TNFRSF11A: variants seen among roughly 807,000 people sequenced by gnomAD.
TNFRSF11A encodes tumor necrosis factor receptor superfamily member 11A.
TNFRSF11A carries 32 observed loss-of-function variants against 55.7 expected under a neutral mutation model. The observed-to-expected ratio is 0.57, with a 90% CI of 0.43 to 0.77. TNFRSF11A has a LOEUF of 0.77. Among genes scored for constraint, TNFRSF11A ranks in the 30% least tolerant of loss-of-function variants. The pLI, the probability that TNFRSF11A is intolerant of heterozygous loss-of-function variation, is 0.00. For missense variants in TNFRSF11A, 753 were observed against 809.8 expected (o/e 0.93, Z 0.85); for synonymous variants, 311 against 331.0 (o/e 0.94, Z 0.65).
intron 3 of TNFRSF11A, among the ~76,000 whole-genome samples, chr18:62,350,444 CA>C (rs1470583020): frequency 6.6e-6 from 1 of 152,174 alleles, no homozygotes; most frequent in Non-Finnish European, 1.5e-5. Flanking sequence ...AGGCACCCCC[CA>C]CCACGCCCAG....
intron 1 of TNFRSF11A, among the ~76,000 whole-genome samples, chr18:62,329,790 G>A (rs1376724473): frequency 2.0e-5 from 3 of 152,118 alleles, no homozygotes; most frequent in African/African-American, 7.2e-5. Flanking sequence ...CCCCAGGCAG[G>A]CTGCCTGTCT....
intron 9 of TNFRSF11A, among the ~76,000 whole-genome samples, chr18:62,376,594 G>A (rs138593364): frequency 1.3e-5 from 2 of 152,126 alleles, no homozygotes; most frequent in African/African-American, 2.4e-5. Context: ...TGCACTTGAC[G>A]AGCGCATATT....
intron 9 of TNFRSF11A, among the ~76,000 whole-genome samples, chr18:62,382,449 T>A (rs1014704214): frequency 6.6e-6 from 1 of 152,186 alleles, no homozygotes; most frequent in Admixed American, 6.5e-5. Context: ...CACCTTAATT[T>A]CCAGTTTCGA....
intron 7 of TNFRSF11A, among the ~76,000 whole-genome samples, chr18:62,365,912 G>A (rs1910052503): frequency 6.6e-6 from 1 of 152,150 alleles, no homozygotes; most frequent in Admixed American, 6.5e-5. Context: ...CCGCCTGCCA[G>A]GTTCAAGCAA....
intron 9 of TNFRSF11A, among the ~76,000 whole-genome samples, chr18:62,375,084 TG>T (rs370621423): frequency 0.37 from 54,141 of 147,426 alleles, 10,359 homozygotes; most frequent in Non-Finnish European, 0.42. Context: ...TTTGTGTGTG[TG>T]TTTTTTTTTT....
At chr18:62,358,399 A>C in intron 5 of TNFRSF11A, 58 bp downstream of exon 5, 1 of 1,502,372 alleles carries the variant, frequency 6.7e-7, no homozygotes, top group Non-Finnish European at 9.3e-7. Flanking sequence ...CTCAACCTCC[A>C]CTGTCTCGTC....
chr18:62,369,571 G>A, intron 9 of TNFRSF11A, 87 bp downstream of exon 9: 1 of 1,533,104 alleles, frequency 6.5e-7, no homozygotes, highest in Non-Finnish European at 8.9e-7. Flanking sequence ...ATTTAGGAAG[G>A]AGGAAGCTAA....
Position 62,383,540 on chromosome 18 carries a change from TC to T in TNFRSF11A, c.1568-1210del, listed in dbSNP as rs1449882089. On this transcript the variant is annotated intron_variant, in intron 9 of 9. Coordinates refer to ENST00000586569, the MANE Select transcript of TNFRSF11A (RefSeq NM_003839.4). This position sits in a 1 kb window ranked among gnomAD's most constrained non-coding sequence, Gnocchi z 4.2. Reference sequence around the variant, plus strand: ...CTGGCCCCTGATCAAATGGAAGGATTCTGTTTGTGATGCTGAGTGTTGGGGT... The same window carrying T: ...CTGGCCCCTGATCAAATGGAAGGATTTGTTTGTGATGCTGAGTGTTGGGGT... Among the ~76,000 whole-genome samples, 1 of 152,084 alleles carries T rather than the reference TC, an allele frequency of 6.6e-6. No homozygotes were observed. The highest frequency in any genetic ancestry group is 1.5e-5 in the Non-Finnish European group (1 of 68,010).
At position 62,390,529 on chromosome 18, in the gene TNFRSF11A, G is replaced by A. The variant is rs1196911847; in HGVS notation, c.*5495G>A. The A allele has an allele frequency of 2.0e-5, 3 of 152,204 alleles. No homozygotes were observed. Among genetic ancestry groups the A allele is most frequent in the Non-Finnish European group, 4.4e-5 (3 of 68,036 alleles). 9.4% of individuals were successfully genotyped at this position (152,204 alleles called of 1,614,324 possible). On this transcript the variant is annotated 3_prime_UTR_variant, in exon 10 of 10. Transcript: ENST00000586569. ...ATTATAGGTCCAGGCCCCTTCAGGA[G>A]GGCACTGGAGTCAATGAAAGCTTTT...
chr18:62,345,700 GGTTTAATTTTAT>G (rs754298331), intron 1 of TNFRSF11A, among the ~76,000 whole-genome samples: 2 of 152,322 alleles, frequency 1.3e-5, no homozygotes, highest in Non-Finnish European at 2.9e-5. Flanking sequence ...TACTTTAAAA[GGTTTAATTTTAT>G]GGTCCGTGAA....
At chr18:62,339,582 G>A (rs890112152) in intron 1 of TNFRSF11A, among the ~76,000 whole-genome samples, 14 of 152,310 alleles carry the variant, frequency 9.2e-5, no homozygotes, top group African/African-American at 3.1e-4. Context: ...TACAAAAGCT[G>A]TGAGAGGGCA....
intron 3 of TNFRSF11A, among the ~76,000 whole-genome samples, chr18:62,350,324 G>A (rs1328160159): frequency 2.6e-5 from 4 of 151,812 alleles, no homozygotes; most frequent in East Asian, 1.9e-4. Context: ...ACGGAGTCTC[G>A]CTCTGTCGCC....
rs1266534635 is a variant in TNFRSF11A, at chr18:62,385,656, C to A, written c.*622C>A. ...GCAGGCCACGCCCAGCTTCCTCCCCCCGACTCCCCCCCCAGAGACACGGTC... is the reference window on the plus strand; with the variant it reads ...GCAGGCCACGCCCAGCTTCCTCCCCACGACTCCCCCCCCAGAGACACGGTC... On this transcript the variant is annotated 3_prime_UTR_variant, in exon 10 of 10. Coordinates refer to ENST00000586569, the MANE Select transcript of TNFRSF11A (RefSeq NM_003839.4). 1 of 143,712 alleles carries A rather than the reference C, an allele frequency of 7.0e-6. No individual in the cohort carries two copies. Among genetic ancestry groups the A allele is most frequent in the Non-Finnish European group, 1.6e-5 (1 of 62,566 alleles). The allele number at this position is 143,712 out of a possible 1,614,324, so 8.9% of individuals were successfully genotyped here. A position where few individuals can be genotyped will look rare whatever the true frequency, so the allele number is the denominator to read the frequency against.
chr18:62,384,456 C>CCTT (rs146296467), intron 9 of TNFRSF11A, among the ~76,000 whole-genome samples: 1,533 of 146,546 alleles, frequency 0.01, 34 homozygotes, highest in African/African-American at 0.038. Flanking sequence ...TCCTCCTCCT[C>CCTT]TTCCTAGCCC....
At chr18:62,348,089 T>C (rs112651184) in intron 1 of TNFRSF11A, 79 bp from the exon 2 acceptor site, 7 of 1,016,288 alleles carry the variant, frequency 6.9e-6, no homozygotes, top group South Asian at 1.4e-5. Flanking sequence ...AGTAATTTGG[T>C]GATTCCCTTT....
Position 62,390,185 on chromosome 18 carries a change from G to A in TNFRSF11A, c.*5151G>A, listed in dbSNP as rs1461584702. On this transcript the variant is annotated 3_prime_UTR_variant, in exon 10 of 10. Transcript: ENST00000586569. Reference sequence around the variant, plus strand: ...TAACCAAGCTCTGCTGCCCACCTGGGACACCTTCCCACTCTTTGCAACTAG... The same window carrying A: ...TAACCAAGCTCTGCTGCCCACCTGGAACACCTTCCCACTCTTTGCAACTAG... 1.3e-5 allele frequency: 2 copies of A among 152,182 alleles called. No homozygotes were observed. The highest frequency in any genetic ancestry group is 1.9e-4 in the East Asian group (1 of 5,186). The allele number at this position is 152,182 out of a possible 1,614,324, so 9.4% of individuals were successfully genotyped here.
intron 9 of TNFRSF11A, among the ~76,000 whole-genome samples, chr18:62,370,169 C>T (rs1053019995): frequency 6.6e-6 from 1 of 152,186 alleles, no homozygotes; most frequent in South Asian, 2.1e-4. Context: ...AACAACCCAC[C>T]GATTATAATA....
rs11289576 is a variant in TNFRSF11A at position 62,335,129 on chromosome 18, A to ATTTTTTTTTTTTTTTTTTTTT, written c.75+9718_75+9719insTTTTTTTTTTTTTTTTTTTTT. On this transcript the variant is annotated intron_variant, in intron 1 of 9. Transcript: ENST00000586569. ...CTGTGACCAAGCCACTGGGGTCGGA[A>ATTTTTTTTTTTTTTTTTTTTT]TTTTTTTTTTTTTTTTGTTACCCAG... Among the ~76,000 whole-genome samples, 88 of 140,764 alleles carry ATTTTTTTTTTTTTTTTTTTTT rather than the reference A, an allele frequency of 6.3e-4. 2 individuals carry two copies. The highest frequency in any genetic ancestry group is 7.9e-4 in the Admixed American group (11 of 14,004). The allele number at this position is 140,764 out of a possible 152,430, so 92.3% of individuals were successfully genotyped here.
At chr18:62,357,942 G>C (rs1909383391) in intron 4 of TNFRSF11A, 3 of 363,700 alleles carry the variant, frequency 8.2e-6, no homozygotes, top group South Asian at 8.2e-5. Context: ...AACAACAAAG[G>C]GTCATGACCA....
Sources: gnomAD v4.1 joint callset for allele counts (sites outside exome capture counted in the v4.1 genomes callset) on GRCh38, gnomAD v4.1.1 for gene constraint, Gnocchi (gnomAD v3.1) non-coding constraint, MANE v1.5 for transcripts, NCBI Gene and HGNC (gene_info 2026-07-23, HGNC 2026-07-21) for gene names.